Variants in PAK1 observed in about 807,000 individuals in gnomAD.
PAK1 encodes the protein serine/threonine-protein kinase PAK 1.
In PAK1, 29 loss-of-function variants were observed where a neutral mutation model predicts 67.4. The ratio of observed to expected loss-of-function variants is 0.43; its 90% confidence interval spans 0.32 to 0.59. PAK1 has a LOEUF of 0.59. Among genes scored for constraint, PAK1 ranks in the 20% least tolerant of loss-of-function variants. PAK1 has a pLI of 0.07. For missense variants in PAK1, 337 were observed against 670.7 expected (o/e 0.50, Z 5.50); for synonymous variants, 223 against 237.4 (o/e 0.94, Z 0.56).
the PAK1 span, among the ~76,000 whole-genome samples, chr11:77,490,695 A>G: frequency 6.6e-6 from 1 of 152,262 alleles, no homozygotes; most frequent in Non-Finnish European, 1.5e-5. Flanking sequence ...AAGTGGGGAA[A>G]GGTGGGGAAA....
rs1302013651 is a variant in PAK1, at chr11:77,381,170, T to TA, written c.191-1177_191-1176insT. On this transcript the variant is annotated intron_variant, in intron 2 of 14. Coordinates refer to ENST00000356341, the MANE Select transcript of PAK1 (RefSeq NM_002576.5). ...GTGTGTGTGTGTGTGTGTGTGTGTG[T>TA]GTGTGTAGAGAGAGAGAGAGAAAGA... Among the ~76,000 whole-genome samples, 1,277 of 134,484 alleles carry TA rather than the reference T, an allele frequency of 9.5e-3. 28 individuals carry two copies. Among genetic ancestry groups the TA allele is most frequent in the African/African-American group, 0.038 (1,218 of 31,994 alleles). The allele number at this position is 134,484 out of a possible 152,430, so 88.2% of individuals were successfully genotyped here.
At chr11:77,489,501 C>T in the PAK1 span, among the ~76,000 whole-genome samples, 2 of 152,098 alleles carry the variant, frequency 1.3e-5, no homozygotes, top group African/African-American at 2.4e-5. Context: ...GATGCCAAGC[C>T]GAAGCTGGAC....
intron 1 of PAK1, among the ~76,000 whole-genome samples, chr11:77,457,270 T>C (rs1239706150): frequency 2.0e-5 from 3 of 152,254 alleles, no homozygotes; most frequent in African/African-American, 7.2e-5. Flanking sequence ...TAATTGGGCA[T>C]GAACTTCATC....
chr11:77,379,161 C>A, intron 4 of PAK1, 80 bp downstream of exon 4: 2 of 1,215,970 alleles, frequency 1.6e-6, no homozygotes, highest in Non-Finnish European at 2.3e-6. Flanking sequence ...TCTCTCATCC[C>A]AGACTAATAG....
intron 7 of PAK1, 24 bp downstream of exon 7, chr11:77,355,644 T>C (rs1945927024): frequency 1.9e-6 from 3 of 1,598,424 alleles, no homozygotes; most frequent in Non-Finnish European, 2.6e-6. Flanking sequence ...CGAAGAAAGG[T>C]TCAGAAAGCT....
chr11:77,347,758 A>G (rs980485800), intron 9 of PAK1, among the ~76,000 whole-genome samples: 3 of 152,248 alleles, frequency 2.0e-5, no homozygotes, highest in Admixed American at 6.5e-5. Flanking sequence ...ATACATACAC[A>G]TGTATATGAG....
At chr11:77,462,940 G>A (rs1957422169) in intron 1 of PAK1, among the ~76,000 whole-genome samples, 1 of 127,248 alleles carries the variant, frequency 7.9e-6, no homozygotes, top group Non-Finnish European at 1.6e-5. Context: ...GCCTACTATA[G>A]GTTAGGCACT....
At chr11:77,438,382 A>C (rs1320203231) in intron 1 of PAK1, among the ~76,000 whole-genome samples, 1 of 152,178 alleles carries the variant, frequency 6.6e-6, no homozygotes, top group Non-Finnish European at 1.5e-5. Context: ...CACCTCCAAC[A>C]TTAGGGATTA....
chr11:77,451,379 G>T (rs1289853126), intron 1 of PAK1, among the ~76,000 whole-genome samples: 3 of 152,108 alleles, frequency 2.0e-5, no homozygotes, highest in African/African-American at 7.2e-5. Context: ...AACCAGCCTT[G>T]CTAAGTTCCC....
the PAK1 span, among the ~76,000 whole-genome samples, chr11:77,523,145 G>T: frequency 6.6e-6 from 1 of 152,134 alleles, no homozygotes; most frequent in Admixed American, 6.5e-5. Flanking sequence ...GGGTGATGGG[G>T]TCAGTTATAC....
chr11:77,506,263 A>G, the PAK1 span, among the ~76,000 whole-genome samples: 6 of 152,328 alleles, frequency 3.9e-5, no homozygotes, highest in East Asian at 1.9e-4. Flanking sequence ...AGGGCTTTGC[A>G]TGAAGTAACA....
chr11:77,445,594 T>C (rs1021434781), intron 1 of PAK1, among the ~76,000 whole-genome samples: 4 of 152,192 alleles, frequency 2.6e-5, no homozygotes, highest in Non-Finnish European at 5.9e-5. Flanking sequence ...TTCTGGAAAA[T>C]GTTCAACAAC....
intron 5 of PAK1, 70 bp downstream of exon 5, chr11:77,374,258 C>T: frequency 2.9e-6 from 3 of 1,017,608 alleles, no homozygotes; most frequent in South Asian, 1.4e-5. Flanking sequence ...TCAGGCTCTG[C>T]CTCTACCACA....
chr11:77,408,882 A>G (rs1954064928), intron 1 of PAK1, among the ~76,000 whole-genome samples: 1 of 152,236 alleles, frequency 6.6e-6, no homozygotes, highest in Non-Finnish European at 1.5e-5. Context: ...TACATGAAAA[A>G]AATGCTCAAC....
chr11:77,323,475 G>C (rs2135937085), intron 14 of PAK1, 115 bp from the exon 15 acceptor site: 2 of 730,716 alleles, frequency 2.7e-6, no homozygotes, highest in East Asian at 5.3e-5. Flanking sequence ...GAAAGCTTCT[G>C]ATCATCCCCA....
At chr11:77,420,985 C>T (rs1955230161) in intron 1 of PAK1, among the ~76,000 whole-genome samples, 1 of 152,174 alleles carries the variant, frequency 6.6e-6, no homozygotes, top group Non-Finnish European at 1.5e-5. Context: ...TTAACTGATC[C>T]ATTCTTGCCT....
the PAK1 span, among the ~76,000 whole-genome samples, chr11:77,511,010 C>T: frequency 1.3e-5 from 2 of 152,128 alleles, no homozygotes; most frequent in Non-Finnish European, 1.5e-5. Context: ...ACTATGACTT[C>T]TGTGTGGGAA....
the PAK1 span, among the ~76,000 whole-genome samples, chr11:77,509,625 G>T: frequency 1.3e-5 from 2 of 152,158 alleles, no homozygotes; most frequent in Admixed American, 6.5e-5. Flanking sequence ...CTGGAGGTAG[G>T]GCCTGGTGGG....
intron 1 of PAK1, among the ~76,000 whole-genome samples, chr11:77,468,027 A>G (rs1957677101): frequency 6.6e-6 from 1 of 152,218 alleles, no homozygotes; most frequent in Admixed American, 6.5e-5. Flanking sequence ...CCATGCATAT[A>G]CTGTCATTGT....
Sources: gnomAD v4.1 joint callset for allele counts (sites outside exome capture counted in the v4.1 genomes callset) on GRCh38, gnomAD v4.1.1 for gene constraint, MANE v1.5 for transcripts, NCBI Gene and HGNC (gene_info 2026-07-23, HGNC 2026-07-21) for gene names.